FA2H: variants seen among roughly 807,000 people sequenced by gnomAD.
The protein encoded by FA2H is fatty acid 2-hydroxylase.
In FA2H, 22 loss-of-function variants were observed where a neutral mutation model predicts 44.9. That is an observed-to-expected ratio of 0.49 (90% CI 0.35 to 0.70). The LOEUF is 0.70. Among genes scored for constraint, FA2H ranks in the 30% least tolerant of loss-of-function variants. The pLI is 0.01. For missense variants in FA2H, 501 were observed against 504.9 expected (o/e 0.99, Z 0.07); for synonymous variants, 243 against 213.2 (o/e 1.14, Z -1.22).
chr16:74,765,987 G>C (rs1284415756), intron 1 of FA2H, among the ~76,000 whole-genome samples: 1 of 152,154 alleles, frequency 6.6e-6, no homozygotes, highest in African/African-American at 2.4e-5. Flanking sequence ...GAAGACAAGA[G>C]CCACAGTGGA....
At chr16:74,771,038 G>A (rs1237192927) in intron 1 of FA2H, among the ~76,000 whole-genome samples, 3 of 152,222 alleles carry the variant, frequency 2.0e-5, no homozygotes, top group East Asian at 1.9e-4. Flanking sequence ...GTGGCTGTAA[G>A]CATACTCAGG....
At chr16:74,767,137 C>T (rs1304724176) in intron 1 of FA2H, among the ~76,000 whole-genome samples, 3 of 152,030 alleles carry the variant, frequency 2.0e-5, no homozygotes, top group Non-Finnish European at 4.4e-5. Context: ...AGTGAAACCC[C>T]GTCTCTACTA....
intron 1 of FA2H, among the ~76,000 whole-genome samples, chr16:74,770,937 G>A (rs1460127984): frequency 6.6e-6 from 1 of 152,180 alleles, no homozygotes; most frequent in Non-Finnish European, 1.5e-5. Flanking sequence ...TGGGTCCCTG[G>A]GTCCCTCTCT....
At chr16:74,717,828 G>A (rs936177882) in intron 5 of FA2H, among the ~76,000 whole-genome samples, 3 of 152,212 alleles carry the variant, frequency 2.0e-5, no homozygotes, top group Admixed American at 2.0e-4. Context: ...GAAGGTTCTG[G>A]TGTCCCCTGT....
intron 1 of FA2H, among the ~76,000 whole-genome samples, chr16:74,744,268 A>C (rs778256762): frequency 6.6e-6 from 1 of 152,184 alleles, no homozygotes; most frequent in Non-Finnish European, 1.5e-5. Flanking sequence ...GTACAACCCC[A>C]GCTTTAAAAG....
In FA2H at chr16:74,716,596, G is replaced by T; in HGVS notation, c.790C>A (p.Pro264Thr). The T allele has an allele frequency of 1.3e-6, 2 of 1,557,196 alleles. No homozygotes were observed. The highest frequency in any genetic ancestry group is 8.7e-7 in the Non-Finnish European group (1 of 1,152,258). Residue 264 changes from proline (P) to threonine (T), a missense_variant, in exon 6 of 7, where the codon CCC (proline) becomes ACC (threonine). Pro to Thr is a conservative substitution (Grantham distance 38). Transcript: ENST00000219368. ...AAGACCAGGCGGGAGCCGTCGAAGG[G>T]TGCCTGCAGATGGAGAGGCTTGGGC... ...FVMHGQHHKA[P>T]FDGSRLVFPP...
At position 74,740,624 on chromosome 16, in the gene FA2H, A is replaced by AATT. The variant is rs1218588223; in HGVS notation, c.271-510_271-509insAAT. On this transcript the variant is annotated intron_variant, in intron 1 of 6. Transcript: ENST00000219368. Reference sequence around the variant, plus strand: ...ACAGAGCAAGACTCCATCTCAAAATAATAATAATAATAATAATAATAATAA... The same window carrying AATT: ...ACAGAGCAAGACTCCATCTCAAAATAATTATAATAATAATAATAATAATAATAA... Among the ~76,000 whole-genome samples the AATT allele has an allele frequency of 1.0e-4, 3 of 29,560 alleles. No homozygotes were observed. In the East Asian group the frequency reaches 1.5e-3, roughly 15 times the overall value. The allele number at this position is 29,560 out of a possible 152,430, so 19.4% of individuals were successfully genotyped here. A position where few individuals can be genotyped will look rare whatever the true frequency, so the allele number is the denominator to read the frequency against.
intron 1 of FA2H, among the ~76,000 whole-genome samples, chr16:74,765,963 G>C (rs1262963638): frequency 6.6e-6 from 1 of 152,086 alleles, no homozygotes; most frequent in Non-Finnish European, 1.5e-5. Context: ...CAGATTAGTA[G>C]ACAAAACAAT....
intron 2 of FA2H, among the ~76,000 whole-genome samples, chr16:74,729,110 A>C (rs1308230933): frequency 6.7e-6 from 1 of 148,296 alleles, no homozygotes; most frequent in Non-Finnish European, 1.5e-5. Flanking sequence ...TCCCGGGTTC[A>C]AGTGATTCCC....
At chr16:74,724,763 G>A (rs2144613986) in intron 4 of FA2H, among the ~76,000 whole-genome samples, 1 of 152,276 alleles carries the variant, frequency 6.6e-6, no homozygotes, top group East Asian at 1.9e-4. Flanking sequence ...CCAAGGCCGT[G>A]TGGCTGATAG....
rs985043294 is a variant in FA2H at position 74,713,950 on chromosome 16, T to C, written c.*240A>G. 4 of 555,124 alleles carry C rather than the reference T, an allele frequency of 7.2e-6. No homozygotes were observed. Among genetic ancestry groups the C allele is most frequent in the Non-Finnish European group, 1.3e-5 (4 of 308,328 alleles). 34.4% of individuals were successfully genotyped at this position (555,124 alleles called of 1,614,324 possible). ...TGGGCTGAGCTCTAGGCAGGGACGCTCCAGGAAGAAGTGGGTCACCAAGGG... is the reference window on the plus strand; with the variant it reads ...TGGGCTGAGCTCTAGGCAGGGACGCCCCAGGAAGAAGTGGGTCACCAAGGG... On this transcript the variant is annotated 3_prime_UTR_variant, in exon 7 of 7. Transcript: ENST00000219368.
rs550288160 is a variant in FA2H at position 74,753,042 on chromosome 16, G to A, written c.271-12927C>T. Among the ~76,000 whole-genome samples the A allele has an allele frequency of 8.5e-5, 13 of 152,346 alleles. No individual in the cohort carries two copies. The South Asian group carries it at 2.1e-3, about 24-fold the overall frequency. ...CACCACCTAGCAGAGACCCACCCCT[G>A]GTTAGCAGAAGCTGGAGCTGAAGGG... On this transcript the variant is annotated intron_variant, in intron 1 of 6. Transcript: ENST00000219368.
intron 1 of FA2H, among the ~76,000 whole-genome samples, chr16:74,756,351 C>T (rs1962612510): frequency 6.6e-6 from 1 of 152,126 alleles, no homozygotes; most frequent in Non-Finnish European, 1.5e-5. Flanking sequence ...TATTCCATCA[C>T]TGCTTGGACG....
intron 4 of FA2H, among the ~76,000 whole-genome samples, chr16:74,724,634 G>A (rs145013507): frequency 9.3e-4 from 141 of 152,266 alleles, no homozygotes; most frequent in Non-Finnish European, 1.6e-3. Flanking sequence ...GACAAGCTGG[G>A]GGCTGAGGGA....
intron 6 of FA2H, 72 bp downstream of exon 6, chr16:74,716,275 G>C (rs559788323): frequency 1.5e-4 from 242 of 1,563,278 alleles, no homozygotes; most frequent in Non-Finnish European, 1.9e-4. Flanking sequence ...CCGTTCCCAG[G>C]AGCTCGATGG....
intron 2 of FA2H, among the ~76,000 whole-genome samples, chr16:74,736,709 G>A (rs1457737535): frequency 1.3e-5 from 2 of 152,196 alleles, no homozygotes; most frequent in African/African-American, 4.8e-5. Context: ...AGGAAGGATG[G>A]GGAAGAGGAT....
chr16:74,740,793 C>T (rs1962280871), intron 1 of FA2H, among the ~76,000 whole-genome samples: 1 of 152,108 alleles, frequency 6.6e-6, no homozygotes, highest in Admixed American at 6.5e-5. Flanking sequence ...GCCGGTTCTC[C>T]TTCAGGTCCC....
At chr16:74,762,350 T>C (rs1378735698) in intron 1 of FA2H, among the ~76,000 whole-genome samples, 1 of 151,684 alleles carries the variant, frequency 6.6e-6, no homozygotes, top group African/African-American at 2.4e-5. Context: ...GCCCATACAA[T>C]TTTTTTGGAA....
intron 1 of FA2H, among the ~76,000 whole-genome samples, chr16:74,741,840 G>GTGTGTGTA (rs1184564520): frequency 2.8e-5 from 2 of 71,190 alleles, no homozygotes; most frequent in African/African-American, 8.9e-5. Context: ...GTGTGTGTAT[G>GTGTGTGTA]TGTGTGTATG....
Sources: allele counts gnomAD v4.1 joint callset (sites outside exome capture counted in the v4.1 genomes callset), GRCh38; gene constraint gnomAD v4.1.1; transcripts MANE v1.5; gene names NCBI Gene and HGNC (gene_info 2026-07-23, HGNC 2026-07-21).